ST8SIA1: variants seen among roughly 807,000 people sequenced by gnomAD.
ST8SIA1 encodes alpha-N-acetylneuraminide alpha-2,8-sialyltransferase.
Under a neutral mutation model 35.9 loss-of-function variants are expected in ST8SIA1, and 16 were observed. The observed-to-expected ratio is 0.45, with a 90% CI of 0.30 to 0.68. The LOEUF (loss-of-function observed/expected upper bound fraction) is 0.68. ST8SIA1 is among the 30% of genes least tolerant of loss of function. The pLI is 0.09. For missense variants in ST8SIA1, 383 were observed against 453.6 expected, an observed-to-expected ratio of 0.84 and a Z score of 1.41; for synonymous variants, 170 against 169.6, an observed-to-expected ratio of 1.00 and a Z score of -0.02.
intron 1 of ST8SIA1, among the ~76,000 whole-genome samples, chr12:22,317,125 AAAG>A (rs149091757): frequency 0.022 from 3,320 of 152,304 alleles, 113 homozygotes; most frequent in African/African-American, 0.075. Flanking sequence ...TAAAAAAAGA[AAAG>A]GAGAAACATT....
rs193062632 is a variant in ST8SIA1, at chr12:22,251,077, T to C, written c.492-1979A>G. On this transcript the variant is annotated intron_variant, in intron 3 of 4. Transcript: ENST00000396037. ...GCTGTGGTAACTGATTGTGGTCTTG[T>C]GATTTAATTGATCTTTGCAAAGAGG... 7.5e-4 allele frequency among the ~76,000 whole-genome samples: 114 copies of C among 152,352 alleles called. 1 individual carries two copies. Among genetic ancestry groups the C allele is most frequent in the Middle Eastern group, 3.4e-3 (1 of 294 alleles).
At chr12:22,255,524 G>T in intron 2 of ST8SIA1, 135 bp from the exon 3 acceptor site, 1 of 780,946 alleles carries the variant, frequency 1.3e-6, no homozygotes. Context: ...TGAAAAGAAA[G>T]ATGCCAAGAA....
At chr12:22,257,378 ATTTTTTTTTTT>A (rs34136511) in intron 2 of ST8SIA1, among the ~76,000 whole-genome samples, 2 of 118,598 alleles carry the variant, frequency 1.7e-5, no homozygotes, top group African/African-American at 3.2e-5. Context: ...TGCCCAGCTA[ATTTTTTTTTTT>A]TTTTTTTTTT....
At chr12:22,306,505 G>C (rs921593792) in intron 1 of ST8SIA1, among the ~76,000 whole-genome samples, 1 of 152,090 alleles carries the variant, frequency 6.6e-6, no homozygotes, top group African/African-American at 2.4e-5. Flanking sequence ...AGAATGTTTA[G>C]AAATAATTTC....
intron 1 of ST8SIA1, among the ~76,000 whole-genome samples, chr12:22,319,651 G>A (rs948028283): frequency 3.3e-5 from 5 of 152,100 alleles, no homozygotes; most frequent in African/African-American, 9.7e-5. Flanking sequence ...GCAATCCAGC[G>A]CCCCCACTAT....
chr12:22,287,426 G>T, intron 1 of ST8SIA1, 133 bp from the exon 2 acceptor site: 4 of 698,530 alleles, frequency 5.7e-6, no homozygotes, highest in South Asian at 3.0e-5. Flanking sequence ...TCTCCAGGGT[G>T]ATTAGACTAC....
At chr12:22,331,745 C>T (rs1244200123) in intron 1 of ST8SIA1, among the ~76,000 whole-genome samples, 1 of 152,144 alleles carries the variant, frequency 6.6e-6, no homozygotes, top group Non-Finnish European at 1.5e-5. Flanking sequence ...ATGTCTTGTC[C>T]CTGTTCATTA....
At chr12:22,266,242 G>A (rs1366876593) in intron 2 of ST8SIA1, among the ~76,000 whole-genome samples, 1 of 151,684 alleles carries the variant, frequency 6.6e-6, no homozygotes, top group Non-Finnish European at 1.5e-5. Context: ...TTCCCTACAA[G>A]TGCAAGGAAT....
intron 4 of ST8SIA1, among the ~76,000 whole-genome samples, chr12:22,218,749 G>A (rs1214891718): frequency 6.6e-6 from 1 of 151,876 alleles, no homozygotes; most frequent in Non-Finnish European, 1.5e-5. Context: ...GAACCTGGGA[G>A]GCGGAGGTTG....
chr12:22,288,707 C>A (rs1037094747), intron 1 of ST8SIA1, among the ~76,000 whole-genome samples: 2 of 152,090 alleles, frequency 1.3e-5, no homozygotes, highest in Non-Finnish European at 2.9e-5. Flanking sequence ...GAGAAGAGCT[C>A]GGGAAGAAAG....
chr12:22,304,440 G>A (rs1866359340), intron 1 of ST8SIA1, among the ~76,000 whole-genome samples: 1 of 143,746 alleles, frequency 7.0e-6, no homozygotes, highest in South Asian at 2.1e-4. Context: ...TGCACCCTCT[G>A]CTGAATGAGG....
In ST8SIA1 at chr12:22,260,871, G is replaced by GCTGTT. The variant is rs1555157907; in HGVS notation, c.382-5483_382-5482insAACAG. On this transcript the variant is annotated intron_variant, in intron 2 of 4. Coordinates refer to ENST00000396037, the MANE Select transcript of ST8SIA1 (RefSeq NM_003034.4). ...TTCAATTTCAAAGATTTATATAGTT[G>GCTGTT]TTGTTTTTTTTTTTTTTTTTTTTGA... 4.1e-5 allele frequency among the ~76,000 whole-genome samples: 4 copies of GCTGTT among 97,546 alleles called. 1 individual carries two copies. The allele number at this position is 97,546 out of a possible 152,430, so 64.0% of individuals were successfully genotyped here.
intron 1 of ST8SIA1, among the ~76,000 whole-genome samples, chr12:22,293,715 T>C (rs150714998): frequency 2.0e-5 from 3 of 152,358 alleles, no homozygotes; most frequent in Non-Finnish European, 4.4e-5. Flanking sequence ...CAACTTTGTT[T>C]GCTTCACACA....
At chr12:22,249,213 GT>G (rs771983175) in intron 3 of ST8SIA1, 115 bp from the exon 4 acceptor site, 1 of 461,062 alleles carries the variant, frequency 2.2e-6, no homozygotes, top group Non-Finnish European at 3.7e-6. Flanking sequence ...TAACTGTTTT[GT>G]TTTTTGTTTT....
At chr12:22,211,654 A>T (rs542798103) in intron 4 of ST8SIA1, among the ~76,000 whole-genome samples, 29 of 152,348 alleles carry the variant, frequency 1.9e-4, no homozygotes, top group African/African-American at 7.0e-4. Context: ...TTAAAAGGTT[A>T]GGGTCTTTAG....
intron 2 of ST8SIA1, among the ~76,000 whole-genome samples, chr12:22,284,565 A>T (rs1866074283): frequency 6.6e-6 from 1 of 152,200 alleles, no homozygotes; most frequent in Non-Finnish European, 1.5e-5. Context: ...TCTATGAATT[A>T]ATTAGTCATT....
At chr12:22,262,055 A>G (rs1865798915) in intron 2 of ST8SIA1, among the ~76,000 whole-genome samples, 3 of 152,232 alleles carry the variant, frequency 2.0e-5, no homozygotes, top group Admixed American at 1.3e-4. Flanking sequence ...GCTGAGATCC[A>G]TAGCTTTAAG....
chr12:22,235,885 C>G, intron 4 of ST8SIA1, among the ~76,000 whole-genome samples: 1 of 112,950 alleles, frequency 8.9e-6, no homozygotes, highest in South Asian at 4.3e-4. Flanking sequence ...GAAGCACATT[C>G]CCTTCACCAC....
chr12:22,220,710 C>T (rs560241826), intron 4 of ST8SIA1, among the ~76,000 whole-genome samples: 1 of 152,308 alleles, frequency 6.6e-6, no homozygotes, highest in Admixed American at 6.5e-5. Context: ...ACGCAAAACT[C>T]CTTCAGAGCT....
Sources: allele counts gnomAD v4.1 joint callset (sites outside exome capture counted in the v4.1 genomes callset), GRCh38; gene constraint gnomAD v4.1.1; transcripts MANE v1.5; gene names NCBI Gene and HGNC (gene_info 2026-07-23, HGNC 2026-07-21).